GPHN: variants seen among roughly 807,000 people sequenced by gnomAD.
The protein encoded by GPHN is gephyrin.
In GPHN, 17 loss-of-function variants were observed where a neutral mutation model predicts 95.5. The ratio of observed to expected loss-of-function variants is 0.18; its 90% CI spans 0.12 to 0.27. The LOEUF (loss-of-function observed/expected upper bound fraction) is 0.27. Ranked by LOEUF, GPHN falls within the 10% of genes least tolerant of loss-of-function variation. The pLI, the probability that GPHN is intolerant of heterozygous loss-of-function variation, is 1.00. For synonymous variants in GPHN, 320 were observed against 322.5 expected (o/e 0.99, Z 0.08); for missense variants, 660 against 978.1 (o/e 0.67, Z 4.34).
chr14:66,776,448 CT>C lies in GPHN; in HGVS notation c.144-14del. ...CTATTGCTGGTTTTGAGAATATTTT[CT>C]TCTCCTAATTTCAGGTTGGGTGGGA... On this transcript the variant is annotated splice_polypyrimidine_tract_variant and intron_variant, in intron 2 of 22. Coordinates refer to ENST00000478722, the MANE Select transcript of GPHN (RefSeq NM_020806.5). 1 of 1,451,402 alleles carries C rather than the reference CT, an allele frequency of 6.9e-7. No homozygotes were observed. Among genetic ancestry groups the C allele is most frequent in the Non-Finnish European group, 9.7e-7 (1 of 1,033,414 alleles). The allele number at this position is 1,451,402 out of a possible 1,614,324, so 89.9% of individuals were successfully genotyped here.
intron 2 of GPHN, among the ~76,000 whole-genome samples, chr14:66,764,516 A>G (rs1338443092): frequency 2.0e-5 from 3 of 152,156 alleles, no homozygotes; most frequent in Admixed American, 6.5e-5. Flanking sequence ...AACTTACACA[A>G]CAAATACGTG....
the GPHN span, chr14:67,412,200 C>A: frequency 3.3e-6 from 2 of 609,360 alleles, no homozygotes; most frequent in Non-Finnish European, 5.1e-6. Flanking sequence ...CTCCCTGGCG[C>A]GTGTCCAGAG....
At chr14:67,193,541 A>G in the GPHN span, among the ~76,000 whole-genome samples, 2 of 144,474 alleles carry the variant, frequency 1.4e-5, no homozygotes, top group Non-Finnish European at 3.0e-5. Context: ...CTATAGAAAT[A>G]TATATCTATA....
At chr14:66,833,602 A>G (rs559404739) in intron 4 of GPHN, among the ~76,000 whole-genome samples, 1 of 152,168 alleles carries the variant, frequency 6.6e-6, no homozygotes. Flanking sequence ...TCGAATGCAC[A>G]TGAATACATT....
chr14:67,668,321 C>T, the GPHN span, among the ~76,000 whole-genome samples: 2 of 151,964 alleles, frequency 1.3e-5, no homozygotes, highest in African/African-American at 4.8e-5. Flanking sequence ...AAATTATGGC[C>T]ATAGGTATTT....
intron 2 of GPHN, chr14:66,709,351 C>T (rs1170465101): frequency 2.2e-6 from 1 of 455,870 alleles, no homozygotes; most frequent in Non-Finnish European, 4.4e-6. Flanking sequence ...CCCCTTTTAT[C>T]CACAGGGGAT....
At chr14:66,585,258 G>A (rs1211808024) in intron 1 of GPHN, among the ~76,000 whole-genome samples, 7 of 151,980 alleles carry the variant, frequency 4.6e-5, no homozygotes, top group South Asian at 2.1e-4. Context: ...TTTTTGTCAC[G>A]TCTATTTGAT....
At chr14:67,583,854 T>C in the GPHN span, 12 of 1,613,576 alleles carry the variant, frequency 7.4e-6, no homozygotes, top group Middle Eastern at 1.6e-4. Flanking sequence ...CCAGGCGCTA[T>C]AGACATGGGG....
At chr14:66,875,978 T>C (rs1469946613) in intron 4 of GPHN, among the ~76,000 whole-genome samples, 1 of 152,136 alleles carries the variant, frequency 6.6e-6, no homozygotes, top group Non-Finnish European at 1.5e-5. Context: ...TCACACGTAT[T>C]CTAAAATTGA....
the GPHN span, among the ~76,000 whole-genome samples, chr14:67,375,078 A>G: frequency 6.6e-6 from 1 of 152,206 alleles, no homozygotes; most frequent in Non-Finnish European, 1.5e-5. Context: ...TGTTAGGATT[A>G]TTTCTTTTTG....
the GPHN span, chr14:67,280,099 T>C: frequency 6.6e-6 from 1 of 152,306 alleles, no homozygotes; most frequent in Admixed American, 6.5e-5. Flanking sequence ...ACCAAAAGAA[T>C]TCTGTGACCA....
At chr14:66,607,024 T>G (rs2062566718) in intron 1 of GPHN, among the ~76,000 whole-genome samples, 1 of 152,174 alleles carries the variant, frequency 6.6e-6, no homozygotes, top group African/African-American at 2.4e-5. Flanking sequence ...ATTCTAGTTC[T>G]CAAGGAGAAT....
At chr14:66,798,146 A>T (rs2153475170) in intron 3 of GPHN, among the ~76,000 whole-genome samples, 1 of 152,036 alleles carries the variant, frequency 6.6e-6, no homozygotes, top group South Asian at 2.1e-4. Flanking sequence ...CATATGTTGA[A>T]CAATCCTTGA....
intron 2 of GPHN, among the ~76,000 whole-genome samples, chr14:66,751,953 A>G (rs1213971204): frequency 6.6e-6 from 1 of 152,112 alleles, no homozygotes; most frequent in Non-Finnish European, 1.5e-5. Context: ...ACCTTCATCA[A>G]TGATCTTAGC....
At chr14:66,621,026 G>A (rs551820998) in intron 1 of GPHN, among the ~76,000 whole-genome samples, 130 of 151,362 alleles carry the variant, frequency 8.6e-4, no homozygotes, top group Non-Finnish European at 1.6e-3. Context: ...GTGCACTGGC[G>A]TGATCTTGGC....
At chr14:66,530,900 A>G (rs955951633) in intron 1 of GPHN, among the ~76,000 whole-genome samples, 3 of 148,078 alleles carry the variant, frequency 2.0e-5, no homozygotes, top group African/African-American at 5.1e-5. Flanking sequence ...AGCTGTTCCT[A>G]TTCGGCCATC....
At chr14:67,062,086 A>T (rs976716426) in intron 11 of GPHN, among the ~76,000 whole-genome samples, 4 of 150,852 alleles carry the variant, frequency 2.7e-5, no homozygotes, top group Non-Finnish European at 4.4e-5. Flanking sequence ...ACATGGATAT[A>T]AAAAAAAAGC....
chr14:67,060,433 T>G (rs1478201824), intron 11 of GPHN, among the ~76,000 whole-genome samples: 1 of 152,194 alleles, frequency 6.6e-6, no homozygotes, highest in Non-Finnish European at 1.5e-5. Flanking sequence ...ACCTTTGAAT[T>G]GGATCAAACT....
chr14:67,691,204 CA>C, the GPHN span: 2 of 1,614,012 alleles, frequency 1.2e-6, no homozygotes, highest in Non-Finnish European at 1.7e-6. Context: ...GACACATCAT[CA>C]CTCCTGCATT....
Sources: gnomAD v4.1 joint callset for allele counts (sites outside exome capture counted in the v4.1 genomes callset) on GRCh38, gnomAD v4.1.1 for gene constraint, MANE v1.5 for transcripts, NCBI Gene and HGNC (gene_info 2026-07-23, HGNC 2026-07-21) for gene names.